Variants in MB21D2 observed in about 807,000 individuals in gnomAD.
MB21D2 encodes nucleotidyltransferase MB21D2.
Under a neutral mutation model 33.3 loss-of-function variants are expected in MB21D2, and 9 were observed. That is an observed-to-expected ratio of 0.27 (90% CI 0.16 to 0.47). The LOEUF is 0.47. Among genes scored for constraint, MB21D2 ranks in the 20% least tolerant of loss-of-function variants. The pLI is 0.99. For missense variants in MB21D2, 540 were observed against 624.6 expected (o/e 0.86, Z 1.44); for synonymous variants, 241 against 236.3 (o/e 1.02, Z -0.18).
intron 1 of MB21D2, among the ~76,000 whole-genome samples, chr3:192,909,081 C>T (rs1714275253): frequency 1.3e-5 from 2 of 151,516 alleles, no homozygotes; most frequent in Admixed American, 1.3e-4. Flanking sequence ...CAGTGAAACC[C>T]AGTCTCTACT....
At chr3:192,866,777 G>A (rs1038159777) in intron 1 of MB21D2, among the ~76,000 whole-genome samples, 1 of 152,118 alleles carries the variant, frequency 6.6e-6, no homozygotes, top group Non-Finnish European at 1.5e-5. Flanking sequence ...GATAACTTAG[G>A]AGAGAAGAAA....
At chr3:192,884,648 T>C (rs1387485370) in intron 1 of MB21D2, among the ~76,000 whole-genome samples, 3 of 152,044 alleles carry the variant, frequency 2.0e-5, no homozygotes, top group African/African-American at 4.8e-5. Context: ...ATTACAGGCG[T>C]GAGCCATCGC....
At chr3:192,887,298 C>T (rs1467792268) in intron 1 of MB21D2, among the ~76,000 whole-genome samples, 1 of 152,082 alleles carries the variant, frequency 6.6e-6, no homozygotes, top group Non-Finnish European at 1.5e-5. Context: ...CCACCACACC[C>T]AACTATTGTT....
At chr3:192,881,525 G>C (rs1436155377) in intron 1 of MB21D2, among the ~76,000 whole-genome samples, 3 of 152,150 alleles carry the variant, frequency 2.0e-5, no homozygotes, top group Non-Finnish European at 4.4e-5. Flanking sequence ...GTATAGCTTT[G>C]CTGTAAGAAA....
intron 1 of MB21D2, among the ~76,000 whole-genome samples, chr3:192,884,737 T>G (rs1382181294): frequency 6.6e-6 from 1 of 152,014 alleles, no homozygotes; most frequent in Non-Finnish European, 1.5e-5. Flanking sequence ...AGCCTCTTTT[T>G]CTCTATTCAC....
intron 1 of MB21D2, among the ~76,000 whole-genome samples, chr3:192,892,223 C>T (rs1003403940): frequency 2.0e-5 from 3 of 152,204 alleles, no homozygotes; most frequent in African/African-American, 4.8e-5. Flanking sequence ...CAGCTCCCAA[C>T]GTGCTTTCAC....
intron 1 of MB21D2, among the ~76,000 whole-genome samples, chr3:192,888,434 C>T (rs530601128): frequency 1.3e-4 from 20 of 152,200 alleles, no homozygotes; most frequent in East Asian, 3.9e-4. Flanking sequence ...AAAGCACGCG[C>T]GCTCCTAAGC....
At chr3:192,818,292 A>G (rs1711970306) in intron 1 of MB21D2, among the ~76,000 whole-genome samples, 1 of 152,102 alleles carries the variant, frequency 6.6e-6, no homozygotes. Context: ...AAACAGTCTG[A>G]CCTACTACAG....
rs903083063 is a variant in MB21D2 at position 192,803,298 on chromosome 3, T to C, written c.212-3648A>G. On this transcript the variant is annotated intron_variant, in intron 1 of 1. Coordinates refer to ENST00000392452, the MANE Select transcript of MB21D2 (RefSeq NM_178496.4). ...AATGTTGACCCTTTATTCAAAGGAG[T>C]CAACATCAAGTATTTGGCTAAATTC... is the stretch of plus-strand genomic sequence containing the variant. 6.6e-5 allele frequency among the ~76,000 whole-genome samples: 10 copies of C among 152,296 alleles called. No homozygotes were observed. In the Middle Eastern group the frequency reaches 0.01, roughly 155 times the overall value.
chr3:192,873,450 A>G (rs1417653274), intron 1 of MB21D2, among the ~76,000 whole-genome samples: 1 of 152,092 alleles, frequency 6.6e-6, no homozygotes, highest in Non-Finnish European at 1.5e-5. Flanking sequence ...AGGTCTCCAC[A>G]CCCATTCCAC....
At chr3:192,856,448 G>C (rs897998176) in intron 1 of MB21D2, among the ~76,000 whole-genome samples, 1 of 152,180 alleles carries the variant, frequency 6.6e-6, no homozygotes, top group African/African-American at 2.4e-5. Context: ...TAGGCAATAA[G>C]CACCAGGAAG....
intron 1 of MB21D2, among the ~76,000 whole-genome samples, chr3:192,841,628 G>T (rs1712574667): frequency 6.6e-6 from 1 of 152,230 alleles, no homozygotes; most frequent in Non-Finnish European, 1.5e-5. Flanking sequence ...CCGATAGCTT[G>T]AACACAACCT....
chr3:192,855,227 C>T (rs6444667), intron 1 of MB21D2, among the ~76,000 whole-genome samples: 91,567 of 151,836 alleles, frequency 0.6, 29,616 homozygotes, highest in African/African-American at 0.83. Flanking sequence ...GCCTCCCGAG[C>T]AGCTGGGATT....
chr3:192,814,259 A>T (rs1010898207), intron 1 of MB21D2, among the ~76,000 whole-genome samples: 2 of 152,276 alleles, frequency 1.3e-5, no homozygotes, highest in East Asian at 3.9e-4. Flanking sequence ...GTAATTTAAG[A>T]AAGGACTAAG....
chr3:192,832,160 C>G (rs577234249), intron 1 of MB21D2, among the ~76,000 whole-genome samples: 58 of 152,332 alleles, frequency 3.8e-4, no homozygotes, highest in Middle Eastern at 3.4e-3. Context: ...AAATCTGCAG[C>G]TGGCATTGGA....
chr3:192,830,036 G>C (rs1187463623), intron 1 of MB21D2, among the ~76,000 whole-genome samples: 1 of 152,036 alleles, frequency 6.6e-6, no homozygotes, highest in African/African-American at 2.4e-5. Context: ...ATAATTTTTT[G>C]TGCTTTTTAT....
At chr3:192,834,028 T>C (rs1285736388) in intron 1 of MB21D2, among the ~76,000 whole-genome samples, 1 of 152,114 alleles carries the variant, frequency 6.6e-6, no homozygotes, top group African/African-American at 2.4e-5. Context: ...ACGATCTCAG[T>C]TCATTCATCT....
intron 1 of MB21D2, among the ~76,000 whole-genome samples, chr3:192,908,033 T>C (rs1319522200): frequency 6.6e-6 from 1 of 152,168 alleles, no homozygotes; most frequent in Non-Finnish European, 1.5e-5. Flanking sequence ...TGCCCTAGGA[T>C]AGGTCTTAAG....
rs35337923 is a variant in MB21D2 at position 192,898,223 on chromosome 3, TA to T, written c.211+19406del. Among the ~76,000 whole-genome samples the T allele has an allele frequency of 4.7e-3, 441 of 94,768 alleles. 1 individual carries two copies. The highest frequency in any genetic ancestry group is 0.018 in the African/African-American group (435 of 23,970). The allele number at this position is 94,768 out of a possible 152,430, so 62.2% of individuals were successfully genotyped here. A position where few individuals can be genotyped will look rare whatever the true frequency, so the allele number is the denominator to read the frequency against. On this transcript the variant is annotated intron_variant, in intron 1 of 1. Transcript: ENST00000392452. ...CAACCAAAAACACATGAATCTCACGTATTTTTTTTTTTTTTGGAGATGGGAT... is the reference window on the plus strand; with the variant it reads ...CAACCAAAAACACATGAATCTCACGTTTTTTTTTTTTTTTGGAGATGGGAT...
Sources: gnomAD v4.1 joint callset for allele counts (sites outside exome capture counted in the v4.1 genomes callset) on GRCh38, gnomAD v4.1.1 for gene constraint, MANE v1.5 for transcripts, NCBI Gene and HGNC (gene_info 2026-07-23, HGNC 2026-07-21) for gene names.